ATP8B4: variants seen among roughly 807,000 people sequenced by gnomAD.
The protein encoded by ATP8B4 is probable phospholipid-transporting ATPase IM.
ATP8B4 carries 133 observed loss-of-function variants against 145.6 expected under a neutral mutation model. The ratio of observed to expected loss-of-function variants is 0.91; its 90% CI spans 0.79 to 1.05. The LOEUF (loss-of-function observed/expected upper bound fraction) is 1.05. Ranked by LOEUF, ATP8B4 falls within the 50% of genes least tolerant of loss-of-function variation. The pLI, the probability that ATP8B4 is intolerant of heterozygous loss-of-function variation, is 0.00. For synonymous variants in ATP8B4, 507 were observed against 492.9 expected (o/e 1.03, Z -0.38); for missense variants, 1,458 against 1,425.2 (o/e 1.02, Z -0.37).
chr15:50,013,674 G>T (rs1298707525), intron 6 of ATP8B4, among the ~76,000 whole-genome samples: 1 of 151,862 alleles, frequency 6.6e-6, no homozygotes, highest in Non-Finnish European at 1.5e-5. Flanking sequence ...GATTCCAAAG[G>T]CACCATAAAA....
At chr15:50,130,208 C>G (rs1242511814) in intron 1 of ATP8B4, among the ~76,000 whole-genome samples, 1 of 152,172 alleles carries the variant, frequency 6.6e-6, no homozygotes, top group African/African-American at 2.4e-5. Context: ...GAACCCTCTT[C>G]AGAGAATTTT....
intron 1 of ATP8B4, among the ~76,000 whole-genome samples, chr15:50,170,346 A>G (rs1337621629): frequency 1.3e-5 from 2 of 152,242 alleles, no homozygotes; most frequent in Non-Finnish European, 2.9e-5. Flanking sequence ...CCTACAAGCT[A>G]GAAAGGATTG....
At position 49,924,277 on chromosome 15, in the gene ATP8B4, G is replaced by T. The variant is rs542502072; in HGVS notation, c.1643-783C>A. Among the ~76,000 whole-genome samples, 11 of 152,112 alleles carry T rather than the reference G, an allele frequency of 7.2e-5. No individual in the cohort carries two copies. The East Asian group carries it at 1.5e-3, about 21-fold the overall frequency. On this transcript the variant is annotated intron_variant, in intron 16 of 27. Coordinates refer to ENST00000284509, the MANE Select transcript of ATP8B4 (RefSeq NM_024837.4). ...CACTTGGCCTAACTTTTTAGGTTTA[G>T]TTGTACAGCTTGACACATAGTAGGC... is the stretch of plus-strand genomic sequence containing the variant.
chr15:49,861,805 T>C, intron 27 of ATP8B4, among the ~76,000 whole-genome samples: 1 of 152,198 alleles, frequency 6.6e-6, no homozygotes, highest in South Asian at 2.1e-4. Context: ...ATCTCACCCA[T>C]GTTTCTGAAT....
chr15:50,098,058 A>G (rs1282819260), intron 2 of ATP8B4, among the ~76,000 whole-genome samples: 5 of 152,114 alleles, frequency 3.3e-5, no homozygotes, highest in Non-Finnish European at 7.4e-5. Context: ...TCATGCAACA[A>G]TTGTGTTCAC....
chr15:49,919,006 C>T (rs997165297), intron 18 of ATP8B4, 56 bp from the exon 19 acceptor site: 13 of 1,248,618 alleles, frequency 1.0e-5, no homozygotes, highest in African/African-American at 1.5e-5. Flanking sequence ...ATATCTATAA[C>T]ATCTATGGAT....
At chr15:49,917,949 G>A (rs746391184) in intron 19 of ATP8B4, among the ~76,000 whole-genome samples, 5 of 152,140 alleles carry the variant, frequency 3.3e-5, no homozygotes, top group Non-Finnish European at 7.4e-5. Context: ...ACACCGGAGT[G>A]CTCAACTTTC....
intron 5 of ATP8B4, among the ~76,000 whole-genome samples, chr15:50,041,155 T>G (rs993554219): frequency 6.6e-6 from 1 of 152,216 alleles, no homozygotes; most frequent in Non-Finnish European, 1.5e-5. Flanking sequence ...AAGGCCAATA[T>G]GTAGGAACTC....
At chr15:49,865,604 T>C (rs1392346307) in intron 26 of ATP8B4, among the ~76,000 whole-genome samples, 1 of 152,186 alleles carries the variant, frequency 6.6e-6, no homozygotes, top group African/African-American at 2.4e-5. Context: ...CGGAATTGAA[T>C]TGGAGAACAT....
At chr15:50,042,138 G>A (rs2051336743) in intron 5 of ATP8B4, among the ~76,000 whole-genome samples, 1 of 147,624 alleles carries the variant, frequency 6.8e-6, no homozygotes, top group East Asian at 2.0e-4. Context: ...CTGGGTGACA[G>A]AGTGAGACTC....
intron 7 of ATP8B4, among the ~76,000 whole-genome samples, chr15:50,003,847 T>A: frequency 6.6e-6 from 1 of 152,232 alleles, no homozygotes; most frequent in East Asian, 1.9e-4. Flanking sequence ...ACTCACACCA[T>A]GGTAAACAAG....
intron 25 of ATP8B4, among the ~76,000 whole-genome samples, chr15:49,872,296 A>G (rs1195394994): frequency 1.3e-5 from 2 of 152,168 alleles, no homozygotes; most frequent in Non-Finnish European, 2.9e-5. Flanking sequence ...GGCCCCTATT[A>G]TAGCAATTTT....
At chr15:49,994,990 T>C (rs1182819108) in intron 9 of ATP8B4, among the ~76,000 whole-genome samples, 1 of 152,116 alleles carries the variant, frequency 6.6e-6, no homozygotes, top group Admixed American at 6.6e-5. Flanking sequence ...GTCCAGATAC[T>C]GTGGCTCCAT....
chr15:49,998,436 C>T lies in ATP8B4; in HGVS notation c.507-1677G>A, dbSNP rs190992381. ...GACTTTTTAATGATTGCCATTCTAA[C>T]TGGCGTGAGACGGTATCTCATTGTA... On this transcript the variant is annotated intron_variant, in intron 8 of 27. Transcript: ENST00000284509. 2.6e-4 allele frequency among the ~76,000 whole-genome samples: 40 copies of T among 152,342 alleles called. 1 individual carries two copies. The highest frequency in any genetic ancestry group is 9.1e-4 in the African/African-American group (38 of 41,586).
chr15:50,001,600 G>A (rs1437345242), intron 8 of ATP8B4, among the ~76,000 whole-genome samples: 2 of 152,136 alleles, frequency 1.3e-5, no homozygotes, highest in African/African-American at 4.8e-5. Flanking sequence ...CAAATACATA[G>A]TGTCATTAAA....
In ATP8B4 at chr15:50,112,653, T is replaced by C. The variant is rs74507376; in HGVS notation, c.-42-5645A>G. 2.8e-3 allele frequency among the ~76,000 whole-genome samples: 423 copies of C among 152,238 alleles called. 1 individual carries two copies. The highest frequency in any genetic ancestry group is 9.7e-3 in the African/African-American group (403 of 41,554). On this transcript the variant is annotated intron_variant, in intron 1 of 27. Coordinates refer to ENST00000284509, the MANE Select transcript of ATP8B4 (RefSeq NM_024837.4). ...CTAGCATTACTTTGAGCAAGTCATGTACCCTGCCTGAGACTCAATCTCCAC... is the reference window on the plus strand; with the variant it reads ...CTAGCATTACTTTGAGCAAGTCATGCACCCTGCCTGAGACTCAATCTCCAC...
At chr15:49,945,120 T>C (rs573108465) in intron 14 of ATP8B4, among the ~76,000 whole-genome samples, 19 of 152,188 alleles carry the variant, frequency 1.2e-4, no homozygotes, top group African/African-American at 4.6e-4. Flanking sequence ...CAATTTAATT[T>C]TATACCTCAA....
intron 2 of ATP8B4, among the ~76,000 whole-genome samples, chr15:50,087,098 A>AAAAT (rs1567335828): frequency 3.3e-5 from 3 of 91,294 alleles, no homozygotes; most frequent in African/African-American, 1.3e-4. Context: ...TATATATAAT[A>AAAAT]AATATAGATT....
At chr15:49,903,098 C>T (rs1027071287) in intron 20 of ATP8B4, among the ~76,000 whole-genome samples, 3 of 152,186 alleles carry the variant, frequency 2.0e-5, no homozygotes, top group African/African-American at 7.2e-5. Flanking sequence ...GAAATTGTCA[C>T]TGCACTTTCT....
Sources: gnomAD v4.1 joint callset for allele counts (sites outside exome capture counted in the v4.1 genomes callset) on GRCh38, gnomAD v4.1.1 for gene constraint, MANE v1.5 for transcripts, NCBI Gene and HGNC (gene_info 2026-07-23, HGNC 2026-07-21) for gene names.